The following ELMO1 variants were observed in gnomAD, a reference collection of about 807,000 sequenced individuals.
The protein encoded by ELMO1 is engulfment and cell motility 1.
A neutral mutation model predicts 98.9 loss-of-function variants in ELMO1; 26 were observed. The observed-to-expected ratio is 0.26, with a 90% CI of 0.19 to 0.36. ELMO1 has a LOEUF of 0.36. Among genes scored for constraint, ELMO1 ranks in the 10% least tolerant of loss-of-function variants. The pLI is 1.00. For synonymous variants in ELMO1, 346 were observed against 346.0 expected, an observed-to-expected ratio of 1.00 and a Z score of 0.00; for missense variants, 627 against 935.2, an observed-to-expected ratio of 0.67 and a Z score of 4.30.
At chr7:37,431,405 T>C (rs1583752183) in intron 1 of ELMO1, among the ~76,000 whole-genome samples, 1 of 152,296 alleles carries the variant, frequency 6.6e-6, no homozygotes, top group South Asian at 2.1e-4. Flanking sequence ...ATTGGCTAGA[T>C]GATCATAGTG....
At chr7:37,437,530 T>G (rs1243231585) in intron 1 of ELMO1, among the ~76,000 whole-genome samples, 1 of 152,216 alleles carries the variant, frequency 6.6e-6, no homozygotes, top group African/African-American at 2.4e-5. Flanking sequence ...TAGTAATCAT[T>G]CATATTTATG....
chr7:37,064,123 T>C (rs1796820813), intron 15 of ELMO1, among the ~76,000 whole-genome samples: 1 of 152,172 alleles, frequency 6.6e-6, no homozygotes, highest in Non-Finnish European at 1.5e-5. Context: ...ATGGCCTCAC[T>C]ACAGTCAGGA....
intron 1 of ELMO1, among the ~76,000 whole-genome samples, chr7:37,427,122 G>A (rs1804743383): frequency 6.6e-6 from 1 of 152,112 alleles, no homozygotes; most frequent in African/African-American, 2.4e-5. Context: ...TTAGAAACGA[G>A]ATTCAAATCT....
intron 16 of ELMO1, among the ~76,000 whole-genome samples, chr7:36,926,588 C>T (rs1785597045): frequency 6.6e-6 from 1 of 152,058 alleles, no homozygotes; most frequent in Non-Finnish European, 1.5e-5. Context: ...ACTGAAGTTT[C>T]CCCTCCCCTC....
chr7:37,200,849 C>T (rs1338403286), intron 13 of ELMO1, among the ~76,000 whole-genome samples: 2 of 151,540 alleles, frequency 1.3e-5, no homozygotes, highest in East Asian at 1.9e-4. Context: ...CGCCTGTGGT[C>T]CTGAGGTGGT....
intron 2 of ELMO1, among the ~76,000 whole-genome samples, chr7:37,340,824 G>C (rs755693862): frequency 6.6e-6 from 1 of 152,156 alleles, no homozygotes; most frequent in Non-Finnish European, 1.5e-5. Flanking sequence ...GTAAGGAGGA[G>C]GACTGTCTAT....
At chr7:37,440,727 C>A (rs1805379037) in intron 1 of ELMO1, among the ~76,000 whole-genome samples, 1 of 151,360 alleles carries the variant, frequency 6.6e-6, no homozygotes, top group Non-Finnish European at 1.5e-5. Flanking sequence ...CAAGATCGCG[C>A]CACTACACTC....
At chr7:37,365,481 C>T (rs1408166640) in intron 1 of ELMO1, among the ~76,000 whole-genome samples, 1 of 152,156 alleles carries the variant, frequency 6.6e-6, no homozygotes, top group African/African-American at 2.4e-5. Context: ...GAAGCTCTCC[C>T]GCTGGAAAAA....
intron 13 of ELMO1, among the ~76,000 whole-genome samples, chr7:37,163,082 T>C (rs2129331214): frequency 6.6e-6 from 1 of 152,354 alleles, no homozygotes; most frequent in South Asian, 2.1e-4. Context: ...GCTATAATTC[T>C]ACACATTTCA....
At chr7:37,246,810 AGATAT>A (rs1322518607) in intron 6 of ELMO1, among the ~76,000 whole-genome samples, 4 of 151,994 alleles carry the variant, frequency 2.6e-5, no homozygotes, top group Non-Finnish European at 4.4e-5. Flanking sequence ...ATAGATAGAT[AGATAT>A]CTATCTATAT....
chr7:37,254,423 G>A (rs759643648), intron 6 of ELMO1, among the ~76,000 whole-genome samples: 6 of 152,138 alleles, frequency 3.9e-5, no homozygotes, highest in Non-Finnish European at 8.8e-5. Context: ...TTAACAATGC[G>A]ATACATGCTA....
At chr7:37,267,578 C>A (rs530068081) in intron 5 of ELMO1, among the ~76,000 whole-genome samples, 1 of 152,190 alleles carries the variant, frequency 6.6e-6, no homozygotes, top group African/African-American at 2.4e-5. Flanking sequence ...AGATTGCCCC[C>A]GAAGAGGGCA....
At chr7:37,266,965 A>T (rs886829986) in intron 5 of ELMO1, among the ~76,000 whole-genome samples, 1 of 150,792 alleles carries the variant, frequency 6.6e-6, no homozygotes, top group African/African-American at 2.4e-5. Flanking sequence ...GTGAGCTGAA[A>T]TTGTGCCACT....
intron 4 of ELMO1, among the ~76,000 whole-genome samples, chr7:37,304,658 G>A (rs1400588180): frequency 6.6e-6 from 1 of 152,216 alleles, no homozygotes. Context: ...GGAGGTTGCA[G>A]TGAGCCGAGA....
chr7:37,204,450 A>C, intron 13 of ELMO1: 1 of 346,118 alleles, frequency 2.9e-6, no homozygotes, highest in Non-Finnish European at 5.7e-6. Flanking sequence ...CGGTGACTTC[A>C]GGAATGAAGC....
chr7:37,055,237 C>T (rs1040736909), intron 15 of ELMO1, among the ~76,000 whole-genome samples: 3 of 152,178 alleles, frequency 2.0e-5, no homozygotes, highest in Admixed American at 1.3e-4. Flanking sequence ...AGACACTGTC[C>T]AGACTAGAAG....
intron 13 of ELMO1, among the ~76,000 whole-genome samples, chr7:37,163,608 T>C (rs1789397140): frequency 6.6e-6 from 1 of 152,076 alleles, no homozygotes; most frequent in South Asian, 2.1e-4. Context: ...TTTTTTGTTC[T>C]TGCGATAGTT....
chr7:37,155,922 A>C (rs1323189330), intron 13 of ELMO1, among the ~76,000 whole-genome samples: 1 of 152,216 alleles, frequency 6.6e-6, no homozygotes, highest in Admixed American at 6.5e-5. Flanking sequence ...ACATAATTGG[A>C]AGTAAAACAC....
At chr7:37,028,268 C>A (rs12533221) in intron 15 of ELMO1, among the ~76,000 whole-genome samples, 31,462 of 152,016 alleles carry the variant, frequency 0.21, 3,810 homozygotes, top group Middle Eastern at 0.34. Flanking sequence ...CTTTCATGGA[C>A]AATTTTTAAG....
Sources: allele counts gnomAD v4.1 joint callset (sites outside exome capture counted in the v4.1 genomes callset), GRCh38; gene constraint gnomAD v4.1.1; transcripts MANE v1.5; gene names NCBI Gene and HGNC (gene_info 2026-07-23, HGNC 2026-07-21).